The following MCPH1 variants were observed in gnomAD, a reference collection of about 807,000 sequenced individuals.
The protein encoded by MCPH1 is microcephalin.
MCPH1 carries 104 observed loss-of-function variants against 84.5 expected under a neutral mutation model. The observed-to-expected ratio is 1.23, with a 90% CI of 1.05 to 1.45. MCPH1 has a LOEUF of 1.45. MCPH1 is among the 40% of genes most tolerant of loss of function. The pLI is 0.00. For missense variants in MCPH1, 1,498 were observed against 1,005.7 expected (o/e 1.49, Z -6.62); for synonymous variants, 514 against 366.8 (o/e 1.40, Z -4.58).
At chr8:6,474,183 T>C in intron 9 of MCPH1, 1 of 724,314 alleles carries the variant, frequency 1.4e-6, no homozygotes. Context: ...TCAGCTACTC[T>C]GTCTTCATCT....
Position 6,427,061 on chromosome 8 carries a change from C to T in MCPH1, c.234-4438C>T, listed in dbSNP as rs144177599. Among the ~76,000 whole-genome samples, 474 of 152,264 alleles carry T rather than the reference C, an allele frequency of 3.1e-3. 4 individuals are homozygous for T. Among genetic ancestry groups the T allele is most frequent in the African/African-American group, 0.011 (452 of 41,536 alleles). Reference sequence around the variant, plus strand: ...AGGCTCTGTGGCACAACCTGTTGCTCCTAGGCATAAACCTCTACAGCATGT... The same window carrying T: ...AGGCTCTGTGGCACAACCTGTTGCTTCTAGGCATAAACCTCTACAGCATGT... On this transcript the variant is annotated intron_variant, in intron 3 of 13. Transcript: ENST00000344683.
At chr8:6,535,749 AT>A (rs1406411685) in intron 12 of MCPH1, among the ~76,000 whole-genome samples, 1 of 152,162 alleles carries the variant, frequency 6.6e-6, no homozygotes, top group African/African-American at 2.4e-5. Context: ...TTTTGTGTTG[AT>A]TTAAAAAGAT....
intron 12 of MCPH1, among the ~76,000 whole-genome samples, chr8:6,552,503 G>C (rs892389590): frequency 9.2e-5 from 14 of 152,168 alleles, no homozygotes; most frequent in African/African-American, 3.4e-4. Flanking sequence ...ATAGAAGTTA[G>C]AACATTTAAC....
At chr8:6,525,812 C>T (rs1307509399) in intron 12 of MCPH1, among the ~76,000 whole-genome samples, 1 of 152,112 alleles carries the variant, frequency 6.6e-6, no homozygotes, top group Non-Finnish European at 1.5e-5. Flanking sequence ...ACGATTTCTA[C>T]AGCTGATGAG....
chr8:6,431,450 G>A, intron 3 of MCPH1, 49 bp from the exon 4 acceptor site: 1 of 1,385,572 alleles, frequency 7.2e-7, no homozygotes, highest in Non-Finnish European at 1.0e-6. Context: ...CTGTGTCAAT[G>A]TATAATAGAA....
intron 12 of MCPH1, among the ~76,000 whole-genome samples, chr8:6,569,201 A>T (rs1826464163): frequency 6.6e-6 from 1 of 152,214 alleles, no homozygotes; most frequent in South Asian, 2.1e-4. Flanking sequence ...TAAGAACTAG[A>T]GAAATAGCCA....
At chr8:6,468,748 A>AT (rs553776255) in intron 9 of MCPH1, among the ~76,000 whole-genome samples, 22 of 150,574 alleles carry the variant, frequency 1.5e-4, no homozygotes, top group Non-Finnish European at 2.5e-4. Context: ...TTATTGTATT[A>AT]TTTGAAACTG....
At chr8:6,603,051 C>G (rs111683263) in intron 12 of MCPH1, among the ~76,000 whole-genome samples, 108 of 152,078 alleles carry the variant, frequency 7.1e-4, no homozygotes, top group African/African-American at 2.4e-3. Flanking sequence ...ATTGCTTGCA[C>G]TTTTTGCCAT....
At chr8:6,561,974 C>T (rs1337984522) in intron 12 of MCPH1, among the ~76,000 whole-genome samples, 1 of 152,150 alleles carries the variant, frequency 6.6e-6, no homozygotes, top group African/African-American at 2.4e-5. Flanking sequence ...CATTCCGCAC[C>T]GGTTGCTGGA....
At chr8:6,470,318 C>T (rs188315197) in intron 9 of MCPH1, among the ~76,000 whole-genome samples, 1 of 152,200 alleles carries the variant, frequency 6.6e-6, no homozygotes, top group South Asian at 2.1e-4. Flanking sequence ...AAGTCTCGCT[C>T]TGTCACCCAG....
intron 10 of MCPH1, among the ~76,000 whole-genome samples, chr8:6,479,513 C>A (rs1454761406): frequency 1.3e-5 from 2 of 151,802 alleles, no homozygotes; most frequent in African/African-American, 4.8e-5. Context: ...CCTCCCACTG[C>A]AAGCTCCACC....
chr8:6,412,934 A>T (rs571360029), intron 2 of MCPH1, among the ~76,000 whole-genome samples: 2 of 152,372 alleles, frequency 1.3e-5, no homozygotes, highest in East Asian at 3.9e-4. Flanking sequence ...GCTTTGCAGT[A>T]CATTTCCTTT....
intron 13 of MCPH1, among the ~76,000 whole-genome samples, chr8:6,633,237 C>T (rs1797296425): frequency 6.6e-6 from 1 of 152,054 alleles, no homozygotes; most frequent in South Asian, 2.1e-4. Context: ...AAGAATTATA[C>T]AGGAAGGGAC....
At chr8:6,426,339 G>T (rs1479488267) in intron 3 of MCPH1, among the ~76,000 whole-genome samples, 1 of 151,910 alleles carries the variant, frequency 6.6e-6, no homozygotes, top group Non-Finnish European at 1.5e-5. Flanking sequence ...ATTTGCTGTC[G>T]GCCTCCCTGC....
chr8:6,429,512 C>A (rs1801533485), intron 3 of MCPH1, among the ~76,000 whole-genome samples: 1 of 152,088 alleles, frequency 6.6e-6, no homozygotes, highest in African/African-American at 2.4e-5. Flanking sequence ...GCCCCAGCTG[C>A]CAGGCTTGGG....
intron 9 of MCPH1, among the ~76,000 whole-genome samples, chr8:6,457,566 C>G (rs995929491): frequency 1.2e-4 from 19 of 152,124 alleles, no homozygotes; most frequent in African/African-American, 4.1e-4. Context: ...GATCATGCCA[C>G]TGCACTCCAG....
intron 12 of MCPH1, among the ~76,000 whole-genome samples, chr8:6,610,824 C>T (rs114149294): frequency 6.6e-6 from 1 of 151,510 alleles, no homozygotes; most frequent in African/African-American, 2.4e-5. Context: ...ACATAAGACG[C>T]TGATTTTTCT....
At chr8:6,614,453 C>A (rs892633656) in intron 12 of MCPH1, among the ~76,000 whole-genome samples, 4 of 152,224 alleles carry the variant, frequency 2.6e-5, no homozygotes, top group Admixed American at 1.3e-4. Context: ...GTACTGCCTC[C>A]TGGAAAAAGC....
At chr8:6,521,533 T>A in intron 12 of MCPH1, 1 of 727,314 alleles carries the variant, frequency 1.4e-6, no homozygotes, top group Non-Finnish European at 2.2e-6. Flanking sequence ...AGTAATATGA[T>A]GTTACCAGAG....
Sources: gnomAD v4.1 joint callset for allele counts (sites outside exome capture counted in the v4.1 genomes callset) on GRCh38, gnomAD v4.1.1 for gene constraint, MANE v1.5 for transcripts, NCBI Gene and HGNC (gene_info 2026-07-23, HGNC 2026-07-21) for gene names.